Variants in DEPTOR observed in about 807,000 individuals in gnomAD.
The protein encoded by DEPTOR is DEP domain containing MTOR interacting protein, also known as DEP domain-containing mTOR-interacting protein.
A neutral mutation model predicts 41.6 loss-of-function variants in DEPTOR; 41 were observed. That is an observed-to-expected ratio of 0.98 (90% CI 0.77 to 1.28). The LOEUF is 1.28. DEPTOR is among the 50% of genes most tolerant of loss of function. The probability of loss-of-function intolerance (pLI) is 0.00; values close to 1 mark genes in which losing one functional copy is unlikely to be tolerated. For synonymous variants in DEPTOR, 195 were observed against 192.3 expected, an observed-to-expected ratio of 1.01 and a Z score of -0.12; for missense variants, 514 against 527.9, an observed-to-expected ratio of 0.97 and a Z score of 0.26.
chr8:120,002,237 TC>T (rs1812360730), intron 5 of DEPTOR, among the ~76,000 whole-genome samples: 1 of 152,090 alleles, frequency 6.6e-6, no homozygotes, highest in Non-Finnish European at 1.5e-5. Flanking sequence ...TCTCCCGGGT[TC>T]AAGAGACTCT....
Position 120,003,031 on chromosome 8 carries a change from G to C in DEPTOR, c.845G>C (p.Ser282Thr), listed in dbSNP as rs749611924. 1.2e-6 allele frequency: 2 copies of C among 1,607,958 alleles called. No individual in the cohort carries two copies. Among genetic ancestry groups the C allele is most frequent in the South Asian group, 2.2e-5 (2 of 90,212 alleles). Reference sequence around the variant, plus strand: ...TCTGCAGTGAGGAGAAGCAGCATGAGCAGCTGTGGCAGCAGCGGCTACTTC... The same window carrying C: ...TCTGCAGTGAGGAGAAGCAGCATGACCAGCTGTGGCAGCAGCGGCTACTTC... ...IVSAVRRSSM[S>T]SCGSSGYFSS... The change falls in exon 6 of 9, where the codon AGC (serine) becomes ACC (threonine). Residue 282 changes from serine (S) to threonine (T), a missense_variant. Physicochemically the swap from Ser to Thr is moderately conservative, Grantham distance 58 (BLOSUM62 1). Coordinates refer to ENST00000286234, the MANE Select transcript of DEPTOR (RefSeq NM_022783.4).
chr8:119,932,130 T>C (rs1828051952), intron 3 of DEPTOR, among the ~76,000 whole-genome samples: 1 of 151,924 alleles, frequency 6.6e-6, no homozygotes, highest in Admixed American at 6.6e-5. Context: ...TACAGACTTA[T>C]GCTACCATGT....
chr8:119,955,183 T>A (rs1379780794), intron 3 of DEPTOR, among the ~76,000 whole-genome samples: 1 of 151,842 alleles, frequency 6.6e-6, no homozygotes, highest in Non-Finnish European at 1.5e-5. Context: ...TAAGAGTTAT[T>A]ATGTTCTGGA....
intron 8 of DEPTOR, among the ~76,000 whole-genome samples, chr8:120,021,759 T>TA (rs1207474621): frequency 1.3e-5 from 2 of 152,182 alleles, no homozygotes; most frequent in Admixed American, 6.6e-5. Context: ...TGGGGATAAA[T>TA]AAAAAAGTGT....
rs575709747 is a variant in DEPTOR, at chr8:119,890,452, G to A, written c.122+16484G>A. On this transcript the variant is annotated intron_variant, in intron 1 of 8. Coordinates refer to ENST00000286234, the MANE Select transcript of DEPTOR (RefSeq NM_022783.4). ...CAAGTAGCTGGGATTACATGCGCCC[G>A]CCACCATGCCCAGCTAATTTTTGTA... 7.6e-4 allele frequency among the ~76,000 whole-genome samples: 115 copies of A among 152,028 alleles called. 1 individual carries two copies. The highest frequency in any genetic ancestry group is 7.1e-3 in the South Asian group (34 of 4,804).
chr8:120,037,743 T>G (rs1813000127), intron 8 of DEPTOR, among the ~76,000 whole-genome samples: 1 of 152,172 alleles, frequency 6.6e-6, no homozygotes, highest in Admixed American at 6.6e-5. Context: ...TTATTTGAAC[T>G]CTGGCTGAAG....
intron 1 of DEPTOR, among the ~76,000 whole-genome samples, chr8:119,898,497 G>T (rs571200374): frequency 1.5e-3 from 223 of 152,244 alleles, no homozygotes; most frequent in African/African-American, 5.1e-3. Flanking sequence ...GCCAAGAAGG[G>T]CAGATTGCTT....
intron 2 of DEPTOR, among the ~76,000 whole-genome samples, 165 bp downstream of exon 2, chr8:119,928,743 C>CTTT (rs376801517): frequency 5.6e-4 from 71 of 127,894 alleles, no homozygotes; most frequent in Non-Finnish European, 7.4e-4. Flanking sequence ...TGGGTTCTTT[C>CTTT]TTTTTTTTTT....
chr8:119,976,618 C>A (rs549989915), intron 4 of DEPTOR, among the ~76,000 whole-genome samples: 1 of 152,282 alleles, frequency 6.6e-6, no homozygotes, highest in South Asian at 2.1e-4. Context: ...TGAAGCAACT[C>A]TGGGGATCCA....
At chr8:119,931,958 GATT>G (rs58758138) in intron 3 of DEPTOR, among the ~76,000 whole-genome samples, 2,777 of 142,650 alleles carry the variant, frequency 0.019, 66 homozygotes, top group African/African-American at 0.046. Context: ...AATTAAAAAA[GATT>G]ATTATTATTA....
intron 1 of DEPTOR, among the ~76,000 whole-genome samples, chr8:119,885,261 T>A (rs7387694): frequency 6.6e-6 from 1 of 151,954 alleles, no homozygotes; most frequent in Admixed American, 6.6e-5. Flanking sequence ...GTTTATTCCC[T>A]GTAGTGGTAT....
At chr8:119,894,457 C>T (rs1035920995) in intron 1 of DEPTOR, among the ~76,000 whole-genome samples, 1 of 150,854 alleles carries the variant, frequency 6.6e-6, no homozygotes. Flanking sequence ...AGTGCAGTGG[C>T]GCAATCTTGG....
intron 1 of DEPTOR, among the ~76,000 whole-genome samples, chr8:119,927,964 T>A (rs1228028190): frequency 6.6e-6 from 1 of 152,070 alleles, no homozygotes; most frequent in Non-Finnish European, 1.5e-5. Context: ...TCATTAATAT[T>A]TTTTATATGA....
In DEPTOR at chr8:120,006,705, C is replaced by T. The variant is rs1373738789; in HGVS notation, c.926-100C>T. 3 of 1,024,522 alleles carry T rather than the reference C, an allele frequency of 2.9e-6. No individual in the cohort carries two copies. The East Asian group carries it at 7.5e-5, about 26-fold the overall frequency. 63.5% of individuals were successfully genotyped at this position (1,024,522 alleles called of 1,614,324 possible). ...GAGGCAGGGATCTTTGCCACTTTTT[C>T]TCACTGATGGTCACCTACGAGATAT... On this transcript the variant is annotated intron_variant, in intron 6 of 8. Transcript: ENST00000286234.
At chr8:119,965,209 C>T (rs1008332420) in intron 3 of DEPTOR, 23 bp from the exon 4 acceptor site, 44 of 1,597,254 alleles carry the variant, frequency 2.8e-5, no homozygotes, top group Middle Eastern at 3.4e-4. Context: ...GTTTACTTTT[C>T]TTTTCCCTTT....
chr8:119,909,741 C>T (rs1040082600), intron 1 of DEPTOR, among the ~76,000 whole-genome samples: 2 of 152,222 alleles, frequency 1.3e-5, no homozygotes, highest in Non-Finnish European at 2.9e-5. Flanking sequence ...ATTCCAATCA[C>T]CAGAAGTGAA....
intron 4 of DEPTOR, among the ~76,000 whole-genome samples, chr8:119,975,498 C>T (rs1191624164): frequency 1.3e-5 from 2 of 151,960 alleles, no homozygotes; most frequent in African/African-American, 4.8e-5. Context: ...AGTGCGGAGT[C>T]GGTCAGTGGA....
chr8:120,048,483 T>C (rs1813185411), intron 8 of DEPTOR, among the ~76,000 whole-genome samples: 1 of 152,202 alleles, frequency 6.6e-6, no homozygotes, highest in Non-Finnish European at 1.5e-5. Flanking sequence ...GTATAAGATG[T>C]ACCCTGAATC....
At chr8:119,963,550 C>T (rs1828518734) in intron 3 of DEPTOR, among the ~76,000 whole-genome samples, 1 of 152,008 alleles carries the variant, frequency 6.6e-6, no homozygotes, top group South Asian at 2.1e-4. Context: ...GGGGTTTTGT[C>T]ATGTTGCCCA....
Sources: allele counts gnomAD v4.1 joint callset (sites outside exome capture counted in the v4.1 genomes callset), GRCh38; gene constraint gnomAD v4.1.1; transcripts MANE v1.5; gene names NCBI Gene and HGNC (gene_info 2026-07-23, HGNC 2026-07-21).